The following CDKAL1 variants were observed in gnomAD, a reference collection of about 807,000 sequenced individuals.
The protein encoded by CDKAL1 is threonylcarbamoyladenosine tRNA methylthiotransferase.
In CDKAL1, 32 loss-of-function variants were observed where a neutral mutation model predicts 68.2. That is an observed-to-expected ratio of 0.47 (90% confidence interval 0.35 to 0.63). CDKAL1 has a LOEUF of 0.63. Ranked by LOEUF, CDKAL1 falls within the 30% of genes least tolerant of loss-of-function variation. The pLI is 0.00. For synonymous variants in CDKAL1, 234 were observed against 244.3 expected (o/e 0.96, Z 0.39); for missense variants, 606 against 696.7 (o/e 0.87, Z 1.47).
intron 8 of CDKAL1, among the ~76,000 whole-genome samples, chr6:20,807,297 C>T (rs1776612289): frequency 6.6e-6 from 1 of 151,850 alleles, no homozygotes; most frequent in South Asian, 2.1e-4. Flanking sequence ...GATCTTGGCT[C>T]ACTGCAACCT....
At chr6:20,564,044 T>C (rs2127671397) in intron 4 of CDKAL1, among the ~76,000 whole-genome samples, 1 of 152,280 alleles carries the variant, frequency 6.6e-6, no homozygotes, top group Non-Finnish European at 1.5e-5. Context: ...TAAAATGTAA[T>C]GATGCTCTAT....
At chr6:20,604,730 C>G (rs1243430536) in intron 4 of CDKAL1, among the ~76,000 whole-genome samples, 1 of 152,164 alleles carries the variant, frequency 6.6e-6, no homozygotes, top group Non-Finnish European at 1.5e-5. Flanking sequence ...AATTGAAAGG[C>G]AGTACCATGA....
intron 11 of CDKAL1, among the ~76,000 whole-genome samples, chr6:21,059,005 G>A (rs2150923542): frequency 6.6e-6 from 1 of 152,336 alleles, no homozygotes; most frequent in Admixed American, 6.5e-5. Context: ...ATAGCCAGCA[G>A]GCAGGAAAGA....
At chr6:21,131,469 T>C (rs1775315754) in intron 13 of CDKAL1, among the ~76,000 whole-genome samples, 1 of 152,232 alleles carries the variant, frequency 6.6e-6, no homozygotes. Flanking sequence ...CCACATATTG[T>C]GATGACAACT....
At chr6:20,867,886 T>C (rs1252524371) in intron 9 of CDKAL1, among the ~76,000 whole-genome samples, 1 of 152,220 alleles carries the variant, frequency 6.6e-6, no homozygotes, top group Admixed American at 6.5e-5. Context: ...TAATTCATTG[T>C]TGCTCACTAA....
intron 9 of CDKAL1, among the ~76,000 whole-genome samples, chr6:20,948,871 T>G (rs1411546012): frequency 6.6e-6 from 1 of 152,224 alleles, no homozygotes; most frequent in African/African-American, 2.4e-5. Flanking sequence ...TTTCAGAAAG[T>G]GTATCATCCT....
chr6:21,222,904 T>G (rs1418833658), intron 15 of CDKAL1, among the ~76,000 whole-genome samples: 1 of 152,134 alleles, frequency 6.6e-6, no homozygotes, highest in East Asian at 1.9e-4. Flanking sequence ...AAACACATTT[T>G]GCAACGTGTT....
chr6:21,139,519 C>CT (rs1775794521), intron 13 of CDKAL1, among the ~76,000 whole-genome samples: 3 of 151,964 alleles, frequency 2.0e-5, no homozygotes, highest in South Asian at 2.1e-4. Flanking sequence ...CCTTTCTTGC[C>CT]TTTTTTTCCC....
At position 20,649,280 on chromosome 6, in the gene CDKAL1, A is replaced by C; in HGVS notation, c.287-13A>C. 1 of 1,588,264 alleles carries C rather than the reference A, an allele frequency of 6.3e-7. No individual in the cohort carries two copies. The highest frequency in any genetic ancestry group is 8.6e-7 in the Non-Finnish European group (1 of 1,162,646). ...TGCTACTTACTTCTTTTTTGTGTTC[A>C]TTTTTTTAATAGAAAATGCATCCGA... On this transcript the variant is annotated splice_polypyrimidine_tract_variant and intron_variant, in intron 4 of 15. Coordinates refer to ENST00000274695, the MANE Select transcript of CDKAL1 (RefSeq NM_017774.3).
chr6:20,858,286 A>C (rs1759439917), intron 9 of CDKAL1, among the ~76,000 whole-genome samples: 1 of 151,228 alleles, frequency 6.6e-6, no homozygotes, highest in Non-Finnish European at 1.5e-5. Context: ...AGTAGCCTAG[A>C]TTTTTTCTGG....
intron 4 of CDKAL1, among the ~76,000 whole-genome samples, chr6:20,636,758 C>T (rs1159735121): frequency 6.6e-6 from 1 of 152,066 alleles, no homozygotes; most frequent in Non-Finnish European, 1.5e-5. Flanking sequence ...GGATTGTTGG[C>T]GGGGTGAAGT....
intron 6 of CDKAL1, among the ~76,000 whole-genome samples, 155 bp from the exon 7 acceptor site, chr6:20,758,440 A>G (rs77156269): frequency 0.01 from 1,585 of 152,320 alleles, 16 homozygotes; most frequent in South Asian, 0.022. Context: ...CAAAATATTA[A>G]TATAGGATAT....
chr6:20,912,789 T>C (rs1287213697), intron 9 of CDKAL1, among the ~76,000 whole-genome samples: 1 of 152,200 alleles, frequency 6.6e-6, no homozygotes, highest in Non-Finnish European at 1.5e-5. Context: ...AGATTGAATA[T>C]ATGGTAGTTT....
At chr6:21,025,737 CT>C (rs887955974) in intron 11 of CDKAL1, among the ~76,000 whole-genome samples, 5 of 152,114 alleles carry the variant, frequency 3.3e-5, no homozygotes, top group Non-Finnish European at 5.9e-5. Flanking sequence ...CTATTTCTAG[CT>C]GTAAAGAAGT....
intron 13 of CDKAL1, among the ~76,000 whole-genome samples, chr6:21,121,358 T>G (rs552942893): frequency 2.0e-5 from 3 of 152,336 alleles, no homozygotes; most frequent in African/African-American, 7.2e-5. Flanking sequence ...GGTTTTCTCC[T>G]CTGTAAAATG....
intron 12 of CDKAL1, among the ~76,000 whole-genome samples, chr6:21,099,893 T>G (rs1445302580): frequency 6.6e-6 from 1 of 152,248 alleles, no homozygotes; most frequent in Non-Finnish European, 1.5e-5. Context: ...TCTCTTGCCT[T>G]CCTTATGTGC....
intron 15 of CDKAL1, among the ~76,000 whole-genome samples, chr6:21,213,537 G>A (rs372611748): frequency 6.6e-6 from 1 of 152,178 alleles, no homozygotes; most frequent in Non-Finnish European, 1.5e-5. Flanking sequence ...GAGTTTTTCA[G>A]TTCCCCCTTT....
intron 15 of CDKAL1, among the ~76,000 whole-genome samples, chr6:21,217,318 G>A (rs1441921543): frequency 6.8e-6 from 1 of 147,024 alleles, no homozygotes; most frequent in Non-Finnish European, 1.5e-5. Flanking sequence ...TTTTGAGTCA[G>A]GGTCTTGCAC....
At chr6:20,889,450 C>A (rs1352995742) in intron 9 of CDKAL1, among the ~76,000 whole-genome samples, 1 of 151,982 alleles carries the variant, frequency 6.6e-6, no homozygotes, top group African/African-American at 2.4e-5. Flanking sequence ...CTTGCCCATG[C>A]CTATGTCCTG....
Sources: gnomAD v4.1 joint callset for allele counts (sites outside exome capture counted in the v4.1 genomes callset) on GRCh38, gnomAD v4.1.1 for gene constraint, MANE v1.5 for transcripts, NCBI Gene and HGNC (gene_info 2026-07-23, HGNC 2026-07-21) for gene names.